Variants in MICAL3 observed in about 807,000 individuals in gnomAD.
MICAL3 encodes the protein microtubule associated monooxygenase, calponin and LIM domain containing 3.
MICAL3 carries 62 observed loss-of-function variants against 207.4 expected under a neutral mutation model. That is an observed-to-expected ratio of 0.30 (90% CI 0.24 to 0.37). The LOEUF is 0.37. MICAL3 is among the 10% of genes least tolerant of loss of function. The pLI, the probability that MICAL3 is intolerant of heterozygous loss-of-function variation, is 1.00. For missense variants in MICAL3, 2,368 were observed against 2,635.6 expected, an observed-to-expected ratio of 0.90 and a Z score of 2.22; for synonymous variants, 1,077 against 1,069.3, an observed-to-expected ratio of 1.01 and a Z score of -0.14.
At chr22:17,883,231 CT>C (rs1329135758) in intron 16 of MICAL3, among the ~76,000 whole-genome samples, 1 of 152,182 alleles carries the variant, frequency 6.6e-6, no homozygotes, top group Non-Finnish European at 1.5e-5. Context: ...GAAGACCTCC[CT>C]CATGCACAGA....
chr22:17,979,437 C>G (rs145917945), intron 1 of MICAL3, among the ~76,000 whole-genome samples: 8 of 151,654 alleles, frequency 5.3e-5, no homozygotes, highest in Admixed American at 1.3e-4. Context: ...CCCAGCTACT[C>G]GGGAGTGTGA....
chr22:17,928,996 T>C (rs1325145996), intron 1 of MICAL3, among the ~76,000 whole-genome samples: 1 of 151,806 alleles, frequency 6.6e-6, no homozygotes, highest in Non-Finnish European at 1.5e-5. Context: ...GGTTTCACTG[T>C]GTTAGCCAGG....
chr22:17,997,390 C>T (rs1922408155), intron 1 of MICAL3, among the ~76,000 whole-genome samples: 1 of 152,148 alleles, frequency 6.6e-6, no homozygotes, highest in Non-Finnish European at 1.5e-5. Flanking sequence ...ATACTTCATT[C>T]TCTGCAAATG....
At chr22:17,979,163 G>A (rs1935790110) in intron 1 of MICAL3, among the ~76,000 whole-genome samples, 1 of 151,944 alleles carries the variant, frequency 6.6e-6, no homozygotes, top group Non-Finnish European at 1.5e-5. Flanking sequence ...ACAGGAATGA[G>A]ACCCTGTCTA....
At chr22:17,898,355 T>C (rs1201387851) in intron 7 of MICAL3, among the ~76,000 whole-genome samples, 1 of 152,240 alleles carries the variant, frequency 6.6e-6, no homozygotes, top group East Asian at 1.9e-4. Context: ...CTTATGCTTT[T>C]GGGAAAGTGG....
intron 19 of MICAL3, chr22:17,860,597 G>A (rs1256844626): frequency 1.0e-6 from 1 of 985,400 alleles, no homozygotes; most frequent in South Asian, 4.7e-5. Flanking sequence ...AGCTGAAGAT[G>A]CACTAACCAC....
intron 16 of MICAL3, chr22:17,872,727 T>A (rs781578169): frequency 9.5e-5 from 138 of 1,458,606 alleles, no homozygotes; most frequent in Non-Finnish European, 1.3e-4. Context: ...AGCTACACAG[T>A]GCCTGGAGGC....
intron 19 of MICAL3, among the ~76,000 whole-genome samples, chr22:17,848,700 G>C (rs963022509): frequency 6.6e-6 from 1 of 152,210 alleles, no homozygotes; most frequent in East Asian, 1.9e-4. Context: ...TGGTATCTGC[G>C]GGAGAAGGGC....
Position 17,790,776 on chromosome 22 carries a change from C to G in MICAL3, c.5965G>C (p.Glu1989Gln). Reference protein sequence around the residue: ...LREREEDKDLEAAMLSKGFSL... With the variant: ...LREREEDKDLQAAMLSKGFSL... The stretch of plus-strand genomic sequence containing the variant: ...AAGCCCTTGGACAGCATGGCAGCCT[C>G]CAGGTCCTTGTCCTCCTCTCTCTCC... The change falls in exon 32 of 32, where the codon GAG becomes CAG. Residue 1989 changes from glutamate (E) to glutamine (Q), a missense_variant. Transcript: ENST00000441493. 6.2e-7 allele frequency: 1 copy of G among 1,611,894 alleles called. No homozygotes were observed. The highest frequency in any genetic ancestry group is 8.5e-7 in the Non-Finnish European group (1 of 1,179,046).
intron 18 of MICAL3, 48 bp from the exon 19 acceptor site, chr22:17,865,034 C>G (rs368129953): frequency 2.8e-4 from 435 of 1,545,282 alleles, no homozygotes; most frequent in Non-Finnish European, 3.6e-4. Flanking sequence ...CTGATGCACT[C>G]AAATCCTCAA....
Position 17,821,569 on chromosome 22 carries a change from C to A in MICAL3, c.3449-60G>T, listed in dbSNP as rs1921642364. The A allele has an allele frequency of 8.8e-6, 12 of 1,369,542 alleles. No homozygotes were observed. In the South Asian group the frequency reaches 1.3e-4, roughly 15 times the overall value. 84.8% of individuals were successfully genotyped at this position (1,369,542 alleles called of 1,614,324 possible). On this transcript the variant is annotated intron_variant, in intron 24 of 31. Coordinates refer to ENST00000441493, the MANE Select transcript of MICAL3 (RefSeq NM_015241.3). ...AGCCCCCCCATGTGCCAGGAAGGCACCCCTATCAGCCAGCCCCAGAGGGTG... is the reference window on the plus strand; with the variant it reads ...AGCCCCCCCATGTGCCAGGAAGGCAACCCTATCAGCCAGCCCCAGAGGGTG...
intron 1 of MICAL3, among the ~76,000 whole-genome samples, chr22:17,997,899 G>C (rs115751319): frequency 6.6e-6 from 1 of 150,798 alleles, no homozygotes; most frequent in Non-Finnish European, 1.5e-5. Flanking sequence ...AAAGCACAAT[G>C]ATCTGGTATC....
intron 18 of MICAL3, among the ~76,000 whole-genome samples, chr22:17,865,642 T>C (rs1927022360): frequency 6.6e-6 from 1 of 152,186 alleles, no homozygotes; most frequent in Non-Finnish European, 1.5e-5. Flanking sequence ...AAGATGTGTG[T>C]TGACGAAGGC....
At position 17,885,999 on chromosome 22, in the gene MICAL3, A is replaced by G. The variant is rs1929835877; in HGVS notation, c.2120T>C (p.Leu707Pro). The G allele has an allele frequency of 6.2e-7, 1 of 1,613,930 alleles. No individual in the cohort carries two copies. The highest frequency in any genetic ancestry group is 8.5e-7 in the Non-Finnish European group (1 of 1,179,908). Reference protein sequence around the residue: ...RGERPTLVSTLTDRRMDVAVG... With the variant: ...RGERPTLVSTPTDRRMDVAVG... ...GGCAACGTCCATCCTCCTGTCTGTC[A>G]GAGTGCTCACCAGGGTCGGTCTTTC... Residue 707 changes from leucine to proline, a missense_variant, in exon 16 of 32, where the codon CTG becomes CCG. Physicochemically the swap from Leu to Pro is moderately conservative, Grantham distance 98. This residue lies in a region of MICAL3 where 1,770 missense variants were observed against 1,863.2 expected (regional missense o/e 0.95). Transcript: ENST00000441493.
At chr22:17,980,842 C>T (rs8140977) in intron 1 of MICAL3, 120,514 of 514,644 alleles carry the variant, frequency 0.23, 15,564 homozygotes, top group African/African-American at 0.37. Context: ...TGTGCTGGCC[C>T]GTCACCCTCA....
At chr22:17,991,432 C>T (rs189045631) in intron 1 of MICAL3, among the ~76,000 whole-genome samples, 80 of 152,336 alleles carry the variant, frequency 5.3e-4, no homozygotes, top group African/African-American at 1.8e-3. Flanking sequence ...CAAGTCAAGA[C>T]GTACAGATAC....
intron 19 of MICAL3, among the ~76,000 whole-genome samples, chr22:17,852,086 G>A (rs998081973): frequency 3.3e-5 from 5 of 152,134 alleles, no homozygotes; most frequent in Non-Finnish European, 7.3e-5. Context: ...ACCCTCCTGT[G>A]AGCAGCCACA....
chr22:17,865,704 CAG>C (rs940376021), intron 18 of MICAL3, among the ~76,000 whole-genome samples: 51 of 152,370 alleles, frequency 3.3e-4, no homozygotes, highest in African/African-American at 1.2e-3. Context: ...GGGTCCGACT[CAG>C]GGGGCAGGTG....
At chr22:17,909,918 T>G (rs1383714327) in intron 1 of MICAL3, among the ~76,000 whole-genome samples, 2 of 152,204 alleles carry the variant, frequency 1.3e-5, no homozygotes, top group Non-Finnish European at 2.9e-5. Flanking sequence ...GAGGCTTCAC[T>G]TGCTCTTTGA....
Sources: gnomAD v4.1 joint callset for allele counts (sites outside exome capture counted in the v4.1 genomes callset) on GRCh38, gnomAD v4.1.1 for gene constraint, gnomAD v4.1.1 regional missense constraint, MANE v1.5 for transcripts, NCBI Gene and HGNC (gene_info 2026-07-23, HGNC 2026-07-21) for gene names.